CAPN1: variants seen among roughly 807,000 people sequenced by gnomAD.
CAPN1 encodes the protein calpain 1, also known as calpain-1 catalytic subunit.
A neutral mutation model predicts 105.2 loss-of-function variants in CAPN1; 77 were observed. That is an observed-to-expected ratio of 0.73 (90% confidence interval 0.61 to 0.88). The LOEUF (loss-of-function observed/expected upper bound fraction) is 0.88, where lower values mean the gene tolerates loss of function less well. Ranked by LOEUF, CAPN1 falls within the 40% of genes least tolerant of loss-of-function variation. The pLI is 0.00. For missense variants in CAPN1, 833 were observed against 976.6 expected, an observed-to-expected ratio of 0.85 and a Z score of 1.96; for synonymous variants, 355 against 388.8, an observed-to-expected ratio of 0.91 and a Z score of 1.02.
rs139570056 is a variant in CAPN1, at chr11:65,209,900, C to T, written c.1846C>T (p.Arg616Cys). The T allele has an allele frequency of 5.5e-5, 88 of 1,613,666 alleles. 1 individual carries two copies. The East Asian group carries it at 9.6e-4, about 18-fold the overall frequency. Residue 616 changes from arginine to cysteine, a missense_variant, in exon 18 of 22, where the codon CGC becomes TGC. Physicochemically the swap from Arg to Cys is radical, Grantham distance 180. Transcript: ENST00000279247. This position sits in a 1 kb window ranked among gnomAD's most constrained non-coding sequence, Gnocchi z 4.1. ...GLVEFNILWN[R>C]IRNYLSIFRK... ...GGTGGAGTTCAACATCCTGTGGAAC[C>T]GCATCCGGAATTACCTGGTAGGTTG...
At position 65,204,820 on chromosome 11, in the gene CAPN1, G is replaced by A. The variant is rs370474989; in HGVS notation, c.1303G>A (p.Gly435Ser). The A allele has an allele frequency of 6.2e-6, 10 of 1,612,072 alleles. No individual in the cohort carries two copies. The highest frequency in any genetic ancestry group is 5.3e-5 in the African/African-American group (4 of 74,926). The change falls in exon 11 of 22, where the codon GGC becomes AGC. Residue 435 changes from glycine to serine, a missense_variant. Transcript: ENST00000279247. ...QKHRRRERRF[G>S]RDMETIGFAV... is the part of the protein sequence containing the mutation. ...GCACCGTCGCCGCGAGCGCCGCTTC[G>A]GCCGCGACATGGAGACTATTGGCTT...
At position 65,210,729 on chromosome 11, in the gene CAPN1, C is replaced by T; in HGVS notation, c.2060-85C>T. 9 of 1,092,558 alleles carry T rather than the reference C, an allele frequency of 8.2e-6. No homozygotes were observed. Among genetic ancestry groups the T allele is most frequent in the East Asian group, 2.4e-5 (1 of 42,512 alleles). The allele number at this position is 1,092,558 out of a possible 1,614,324, so 67.7% of individuals were successfully genotyped here. Reference sequence around the variant, plus strand: ...GGTACTGTGGGGAGGTAGAGAGGGACCAGGCAGGAAGGGGGCCAGGCCTGG... The same window carrying T: ...GGTACTGTGGGGAGGTAGAGAGGGATCAGGCAGGAAGGGGGCCAGGCCTGG... On this transcript the variant is annotated intron_variant, in intron 20 of 21. Transcript: ENST00000279247. This position sits in a 1 kb window ranked among gnomAD's most constrained non-coding sequence, Gnocchi z 4.3.
At chr11:65,196,744 GT>G (rs1948797466) in intron 10 of CAPN1, among the ~76,000 whole-genome samples, 1 of 152,054 alleles carries the variant, frequency 6.6e-6, no homozygotes, top group Admixed American at 6.6e-5. Context: ...TTAGAAGAAT[GT>G]TTTTTAAAAC....
intron 10 of CAPN1, among the ~76,000 whole-genome samples, chr11:65,194,298 C>A (rs1279755362): frequency 2.0e-5 from 3 of 152,124 alleles, no homozygotes; most frequent in Non-Finnish European, 4.4e-5. Flanking sequence ...TATTTTATGA[C>A]TTCTTAAATT....
intron 1 of CAPN1, chr11:65,182,465 A>G: frequency 1.9e-6 from 1 of 518,426 alleles, no homozygotes; most frequent in Non-Finnish European, 3.4e-6. Context: ...TGACAATGGG[A>G]TCCGGGAAAG....
At chr11:65,181,491 G>A, upstream of CAPN1, 1 of 265,786 alleles carries the variant, frequency 3.8e-6, no homozygotes, top group Non-Finnish European at 7.3e-6. This position sits in a 1 kb window ranked among gnomAD's most constrained non-coding sequence, Gnocchi z 4.6. Flanking sequence ...GCTGGGGACC[G>A]GGCGGGCCCG....
intron 4 of CAPN1, among the ~76,000 whole-genome samples, chr11:65,184,550 A>G (rs1319975536): frequency 6.7e-6 from 1 of 149,276 alleles, no homozygotes; most frequent in Non-Finnish European, 1.5e-5. Context: ...CTGACCCCAG[A>G]CGCCTTCGGC....
Position 65,185,119 on chromosome 11 carries a change from G to A in CAPN1, c.457-798G>A, listed in dbSNP as rs184370563. Reference sequence around the variant, plus strand: ...ACTGAAAAATCAACTCACAAAAGGAGGTTAGTAGGAGAAATGGCATACAAA... The same window carrying A: ...ACTGAAAAATCAACTCACAAAAGGAAGTTAGTAGGAGAAATGGCATACAAA... On this transcript the variant is annotated intron_variant, in intron 4 of 21. Coordinates refer to ENST00000279247, the MANE Select transcript of CAPN1 (RefSeq NM_005186.4). Among the ~76,000 whole-genome samples the A allele has an allele frequency of 9.2e-5, 14 of 152,124 alleles. No individual in the cohort carries two copies. The East Asian group carries it at 2.7e-3, about 29-fold the overall frequency.
rs17883124 is a variant in CAPN1, at chr11:65,197,221, TGAAAGAAA to T, written c.1166-7451_1166-7444del. Among the ~76,000 whole-genome samples the T allele has an allele frequency of 5.3e-5, 8 of 151,576 alleles. No individual in the cohort carries two copies. In the East Asian group the frequency reaches 1.6e-3, roughly 29 times the overall value. ...TTTGTCTGCTTAATCTATCAATTAC[TGAAAGAAA>T]GAAAGAAAGATGATAAAAATCTTAT... On this transcript the variant is annotated intron_variant, in intron 10 of 21. Coordinates refer to ENST00000279247, the MANE Select transcript of CAPN1 (RefSeq NM_005186.4).
At chr11:65,196,610 T>G (rs911130421) in intron 10 of CAPN1, among the ~76,000 whole-genome samples, 1 of 152,224 alleles carries the variant, frequency 6.6e-6, no homozygotes, top group South Asian at 2.1e-4. Flanking sequence ...TTTTCTAGTT[T>G]CTTAAGGTGG....
intron 1 of CAPN1, chr11:65,182,447 C>T (rs1486288548): frequency 2.0e-6 from 1 of 498,442 alleles, no homozygotes; most frequent in African/African-American, 1.9e-5. Flanking sequence ...TACAGAGCTG[C>T]AAGCCCCTGA....
chr11:65,207,333 G>A (rs1233697841), intron 14 of CAPN1, among the ~76,000 whole-genome samples: 1 of 151,408 alleles, frequency 6.6e-6, no homozygotes, highest in Non-Finnish European at 1.5e-5. Context: ...CTGAGTAGCT[G>A]GGATTACAGG....
intron 10 of CAPN1, among the ~76,000 whole-genome samples, chr11:65,193,644 C>CAA (rs34729975): frequency 0.32 from 18,954 of 58,460 alleles, 3,205 homozygotes; most frequent in Non-Finnish European, 0.43. Context: ...GACTCTGTCT[C>CAA]AAAAAAAAAA....
intron 4 of CAPN1, 135 bp from the exon 5 acceptor site, chr11:65,185,782 T>C: frequency 3.4e-6 from 3 of 889,076 alleles, no homozygotes; most frequent in South Asian, 1.8e-5. Context: ...ATGTATCTAA[T>C]TTACATGATT....
At position 65,188,317 on chromosome 11, in the gene CAPN1, TG is replaced by T; in HGVS notation, c.930-94del. 8.7e-7 allele frequency: 1 copy of T among 1,147,152 alleles called. No homozygotes were observed. Among genetic ancestry groups the T allele is most frequent in the Non-Finnish European group, 1.3e-6 (1 of 796,624 alleles). The allele number at this position is 1,147,152 out of a possible 1,614,324, so 71.1% of individuals were successfully genotyped here. A position where few individuals can be genotyped will look rare whatever the true frequency, so the allele number is the denominator to read the frequency against. ...TTGACCTTGAGGAGGCCACCTGGGC[TG>T]GGCCGGGGGAAGACAGGCCAGGGTA... is the stretch of plus-strand genomic sequence containing the variant. On this transcript the variant is annotated intron_variant, in intron 8 of 21. Transcript: ENST00000279247. The surrounding 1 kb of genome is among the most constrained non-coding windows in gnomAD (Gnocchi z 5.5).
In CAPN1 at chr11:65,210,803, T is replaced by C; in HGVS notation, c.2060-11T>C. The C allele has an allele frequency of 1.9e-6, 3 of 1,612,374 alleles. No homozygotes were observed. Among genetic ancestry groups the C allele is most frequent in the South Asian group, 1.1e-5 (1 of 91,050 alleles). On this transcript the variant is annotated splice_polypyrimidine_tract_variant and intron_variant, in intron 20 of 21. Coordinates refer to ENST00000279247, the MANE Select transcript of CAPN1 (RefSeq NM_005186.4). This position sits in a 1 kb window ranked among gnomAD's most constrained non-coding sequence, Gnocchi z 4.3. ...TTTTCAGCCCTGTATCACCTTTTCT[T>C]GAACACACAGGATTTTTCAAAACTC...
intron 10 of CAPN1, among the ~76,000 whole-genome samples, chr11:65,202,520 G>A (rs1397751392): frequency 6.6e-6 from 1 of 152,066 alleles, no homozygotes; most frequent in African/African-American, 2.4e-5. Context: ...TCGGCTCACT[G>A]CAACCTCTGT....
Position 65,209,450 on chromosome 11 carries a change from G to C in CAPN1, c.1794+63G>C. The C allele has an allele frequency of 7.3e-7, 1 of 1,375,816 alleles. No individual in the cohort carries two copies. The highest frequency in any genetic ancestry group is 1.0e-6 in the Non-Finnish European group (1 of 974,270). The allele number at this position is 1,375,816 out of a possible 1,614,324, so 85.2% of individuals were successfully genotyped here. ...TTGGGTGGAGGTATCGGTGCTGGGA[G>C]AACTGTCCCAGGACAGCACAGAGAA... On this transcript the variant is annotated intron_variant, in intron 17 of 21. Coordinates refer to ENST00000279247, the MANE Select transcript of CAPN1 (RefSeq NM_005186.4). The surrounding 1 kb of genome is among the most constrained non-coding windows in gnomAD (Gnocchi z 4.1).
rs2271449 is a variant in CAPN1, at chr11:65,209,688, G to A, written c.1795-161G>A. Reference sequence around the variant, plus strand: ...ACTGCAGCCCAGCTCAGAGAATAAGGCAAGCCCGGCTGTGGGCTGACTGTA... The same window carrying A: ...ACTGCAGCCCAGCTCAGAGAATAAGACAAGCCCGGCTGTGGGCTGACTGTA... On this transcript the variant is annotated intron_variant, in intron 17 of 21. Transcript: ENST00000279247. This position sits in a 1 kb window ranked among gnomAD's most constrained non-coding sequence, Gnocchi z 4.1. 0.12 allele frequency: 85,797 copies of A among 730,666 alleles called. 7,250 individuals carry two copies. The highest frequency in any genetic ancestry group is 0.3 in the African/African-American group (17,203 of 57,016). 45.3% of individuals were successfully genotyped at this position (730,666 alleles called of 1,614,324 possible). A position where few individuals can be genotyped will look rare whatever the true frequency, so the allele number is the denominator to read the frequency against.
Sources: gnomAD v4.1 joint callset for allele counts (sites outside exome capture counted in the v4.1 genomes callset) on GRCh38, gnomAD v4.1.1 for gene constraint, Gnocchi (gnomAD v3.1) non-coding constraint, MANE v1.5 for transcripts, NCBI Gene and HGNC (gene_info 2026-07-23, HGNC 2026-07-21) for gene names.